EDC3: variants seen among roughly 807,000 people sequenced by gnomAD.
EDC3 encodes the protein enhancer of mRNA-decapping protein 3.
EDC3 carries 20 observed loss-of-function variants against 41.8 expected under a neutral mutation model. That is an observed-to-expected ratio of 0.48 (90% CI 0.34 to 0.70). The LOEUF (loss-of-function observed/expected upper bound fraction) is 0.70, where lower values mean the gene tolerates loss of function less well. EDC3 is among the 30% of genes least tolerant of loss of function. EDC3 has a pLI of 0.01. For missense variants in EDC3, 444 were observed against 636.8 expected (o/e 0.70, Z 3.26); for synonymous variants, 206 against 243.2 (o/e 0.85, Z 1.42).
At chr15:74,650,895 G>T (rs2141604876) in intron 4 of EDC3, among the ~76,000 whole-genome samples, 1 of 152,284 alleles carries the variant, frequency 6.6e-6, no homozygotes, top group East Asian at 1.9e-4. Context: ...CTACATGGGA[G>T]GCTAAGGCAG....
At chr15:74,675,540 GATAATA>G (rs921441181) in intron 1 of EDC3, among the ~76,000 whole-genome samples, 3 of 148,470 alleles carry the variant, frequency 2.0e-5, no homozygotes, top group South Asian at 2.1e-4. Flanking sequence ...TGCTGATGAT[GATAATA>G]ATAATAATAA....
intron 4 of EDC3, among the ~76,000 whole-genome samples, chr15:74,647,969 T>C (rs543580130): frequency 6.6e-6 from 1 of 152,076 alleles, no homozygotes; most frequent in South Asian, 2.1e-4. Flanking sequence ...ACACATACCG[T>C]TGGGGAATGA....
intron 1 of EDC3, among the ~76,000 whole-genome samples, chr15:74,689,336 G>A (rs1007897866): frequency 6.6e-6 from 1 of 152,076 alleles, no homozygotes; most frequent in Non-Finnish European, 1.5e-5. Context: ...GGGGTGCAAT[G>A]GTTTTGGTAT....
chr15:74,680,983 A>G (rs144386227), intron 1 of EDC3, among the ~76,000 whole-genome samples: 8 of 152,322 alleles, frequency 5.3e-5, no homozygotes, highest in African/African-American at 1.4e-4. Context: ...AATGCTAAAT[A>G]TAACAGATAT....
intron 1 of EDC3, among the ~76,000 whole-genome samples, chr15:74,677,359 C>CTTTT (rs747397931): frequency 2.7e-5 from 3 of 111,320 alleles, no homozygotes; most frequent in Non-Finnish European, 5.6e-5. Context: ...CATGCCCAGC[C>CTTTT]TTTTTTTTTT....
intron 1 of EDC3, among the ~76,000 whole-genome samples, chr15:74,692,452 C>T (rs1174554058): frequency 6.6e-6 from 1 of 152,046 alleles, no homozygotes; most frequent in East Asian, 1.9e-4. Flanking sequence ...TAATACCAAT[C>T]CTACACAAAC....
At chr15:74,674,822 C>G in intron 2 of EDC3, 139 bp downstream of exon 2, 1 of 992,254 alleles carries the variant, frequency 1.0e-6, no homozygotes, top group South Asian at 1.5e-5. Context: ...CGAGACCAGC[C>G]TGGCCAACAC....
In EDC3 at chr15:74,632,731, G is replaced by A. The variant is rs1261363097; in HGVS notation, c.1408C>T (p.His470Tyr). 2.5e-6 allele frequency: 4 copies of A among 1,614,178 alleles called. No individual in the cohort carries two copies. Among genetic ancestry groups the A allele is most frequent in the Non-Finnish European group, 2.5e-6 (3 of 1,180,022 alleles). ...TCGCACAAATAGATACGGCCTGCGT[G>A]CTCCCCCAGTGGCAGAGGCAGGCCC... ...ALGLPLPLGEHAGRIYLCDIG... is the reference protein window; with the variant it reads ...ALGLPLPLGEYAGRIYLCDIG... Residue 470 changes from histidine (H) to tyrosine (Y), a missense_variant, in exon 7 of 7, where the codon CAC becomes TAC. This residue lies in a region of EDC3 where 242 missense variants were observed against 363.8 expected (regional missense o/e 0.67). Coordinates refer to ENST00000315127, the MANE Select transcript of EDC3 (RefSeq NM_025083.5). The surrounding 1 kb of genome is among the most constrained non-coding windows in gnomAD (Gnocchi z 4.0).
chr15:74,686,993 C>G (rs935586448), intron 1 of EDC3: 1 of 152,308 alleles, frequency 6.6e-6, no homozygotes, highest in Non-Finnish European at 1.5e-5. Flanking sequence ...GACACCGCAC[C>G]ACTGCACTCC....
chr15:74,674,554 A>G (rs557277798), intron 2 of EDC3, among the ~76,000 whole-genome samples: 1 of 152,212 alleles, frequency 6.6e-6, no homozygotes, highest in Non-Finnish European at 1.5e-5. Context: ...TAGAGAATGA[A>G]GCCACAAAAG....
chr15:74,643,873 G>C (rs952774582), intron 4 of EDC3: 1 of 152,186 alleles, frequency 6.6e-6, no homozygotes, highest in Non-Finnish European at 1.5e-5. Flanking sequence ...TCAATAAGGA[G>C]CACAGCTCAT....
chr15:74,678,723 C>A (rs1310741923), intron 1 of EDC3, among the ~76,000 whole-genome samples: 1 of 151,462 alleles, frequency 6.6e-6, no homozygotes, highest in Non-Finnish European at 1.5e-5. Flanking sequence ...AACCCTGCCT[C>A]TACTAAAAAT....
At chr15:74,646,480 C>A (rs1423730880) in intron 4 of EDC3, among the ~76,000 whole-genome samples, 2 of 152,204 alleles carry the variant, frequency 1.3e-5, no homozygotes, top group Non-Finnish European at 2.9e-5. Context: ...TGCAAAGTAT[C>A]AATTTCAAAT....
intron 3 of EDC3, among the ~76,000 whole-genome samples, chr15:74,663,343 A>C (rs528376245): frequency 1.4e-4 from 22 of 152,150 alleles, no homozygotes; most frequent in African/African-American, 4.6e-4. Flanking sequence ...AAAGAAAAGC[A>C]TAAGTTGCTT....
intron 1 of EDC3, among the ~76,000 whole-genome samples, chr15:74,677,894 G>C (rs2062824347): frequency 6.6e-6 from 1 of 152,080 alleles, no homozygotes; most frequent in Admixed American, 6.6e-5. Context: ...CACCCAGACA[G>C]TGGAATACTA....
chr15:74,672,472 C>A (rs1162186224), intron 2 of EDC3, among the ~76,000 whole-genome samples: 1 of 152,088 alleles, frequency 6.6e-6, no homozygotes, highest in African/African-American at 2.4e-5. Flanking sequence ...ACTACGTGCC[C>A]ACAGGAACTC....
At chr15:74,677,263 A>G (rs1022102322) in intron 1 of EDC3, among the ~76,000 whole-genome samples, 1 of 150,738 alleles carries the variant, frequency 6.6e-6, no homozygotes, top group Non-Finnish European at 1.5e-5. Context: ...GGGTTTCACC[A>G]TGTTGGTCAG....
intron 4 of EDC3, among the ~76,000 whole-genome samples, chr15:74,646,936 C>G (rs1328544189): frequency 6.6e-6 from 1 of 151,710 alleles, no homozygotes; most frequent in African/African-American, 2.4e-5. Flanking sequence ...AAATCTGTTG[C>G]CAAGGCTGCT....
chr15:74,671,308 G>T lies in EDC3; in HGVS notation c.484+147C>A. On this transcript the variant is annotated intron_variant, in intron 3 of 6. Transcript: ENST00000315127. The surrounding 1 kb of genome is among the most constrained non-coding windows in gnomAD (Gnocchi z 4.6). Reference sequence around the variant, plus strand: ...ACATCTTGAGGAATGAGGCCTGGAGGAAGAGAACCATGTTGTATTTCTGTG... The same window carrying T: ...ACATCTTGAGGAATGAGGCCTGGAGTAAGAGAACCATGTTGTATTTCTGTG... 1 of 925,224 alleles carries T rather than the reference G, an allele frequency of 1.1e-6. No individual in the cohort carries two copies. Among genetic ancestry groups the T allele is most frequent in the Non-Finnish European group, 1.6e-6 (1 of 620,538 alleles). The allele number at this position is 925,224 out of a possible 1,614,324, so 57.3% of individuals were successfully genotyped here. A position where few individuals can be genotyped will look rare whatever the true frequency, so the allele number is the denominator to read the frequency against.
Sources: gnomAD v4.1 joint callset for allele counts (sites outside exome capture counted in the v4.1 genomes callset) on GRCh38, gnomAD v4.1.1 for gene constraint, gnomAD v4.1.1 regional missense constraint, Gnocchi (gnomAD v3.1) non-coding constraint, MANE v1.5 for transcripts, NCBI Gene and HGNC (gene_info 2026-07-23, HGNC 2026-07-21) for gene names.